GAPVD1: variants seen among roughly 807,000 people sequenced by gnomAD.
GAPVD1 encodes GTPase-activating protein and VPS9 domain-containing protein 1.
A neutral mutation model predicts 155.5 loss-of-function variants in GAPVD1; 35 were observed. The observed-to-expected ratio is 0.23, with a 90% CI of 0.17 to 0.30. The LOEUF (loss-of-function observed/expected upper bound fraction) is 0.30, where lower values mean the gene tolerates loss of function less well. GAPVD1 is among the 10% of genes least tolerant of loss of function. The pLI, the probability that GAPVD1 is intolerant of heterozygous loss-of-function variation, is 1.00. For missense variants in GAPVD1, 1,429 were observed against 1,775.7 expected, an observed-to-expected ratio of 0.80 and a Z score of 3.51; for synonymous variants, 636 against 619.7, an observed-to-expected ratio of 1.03 and a Z score of -0.39.
intron 1 of GAPVD1, chr9:125,263,541 T>C (rs77077078): frequency 2.0e-6 from 2 of 1,004,186 alleles, no homozygotes; most frequent in Non-Finnish European, 3.1e-6. Context: ...TTTTTTTTTT[T>C]GGTTGTAAGT....
chr9:125,319,224 A>G (rs1843909653), intron 9 of GAPVD1, among the ~76,000 whole-genome samples: 1 of 151,690 alleles, frequency 6.6e-6, no homozygotes, highest in Admixed American at 6.6e-5. Context: ...AATGAAAAAA[A>G]TTAGCTGGGC....
chr9:125,300,679 T>C (rs1057210088), intron 4 of GAPVD1, among the ~76,000 whole-genome samples: 2 of 152,104 alleles, frequency 1.3e-5, no homozygotes, highest in Non-Finnish European at 2.9e-5. Flanking sequence ...AAAGCGTTCT[T>C]GGGTTTTTAA....
chr9:125,315,826 G>C (rs1371133138), intron 9 of GAPVD1, among the ~76,000 whole-genome samples: 2 of 152,030 alleles, frequency 1.3e-5, no homozygotes, highest in Non-Finnish European at 2.9e-5. Context: ...CATACCCAGG[G>C]CTGGTCATGT....
At chr9:125,323,051 TAA>T (rs747447121) in intron 10 of GAPVD1, among the ~76,000 whole-genome samples, 27 of 102,438 alleles carry the variant, frequency 2.6e-4, no homozygotes, top group Admixed American at 3.2e-4. Context: ...AGACTCTCTC[TAA>T]AAAAAAAAAA....
chr9:125,357,925 A>G (rs1850331819), intron 25 of GAPVD1, among the ~76,000 whole-genome samples: 1 of 152,110 alleles, frequency 6.6e-6, no homozygotes. Context: ...CAGAGAGCCA[A>G]GATCACACCA....
At chr9:125,271,166 A>G (rs1834852406) in intron 2 of GAPVD1, among the ~76,000 whole-genome samples, 1 of 152,190 alleles carries the variant, frequency 6.6e-6, no homozygotes, top group Admixed American at 6.6e-5. Flanking sequence ...CATTTAAAAA[A>G]TACAGGCTTT....
At position 125,261,937 on chromosome 9, in the gene GAPVD1, T is replaced by C. The variant is rs1031419171; in HGVS notation, c.-221T>C. 3 of 153,226 alleles carry C rather than the reference T, an allele frequency of 2.0e-5. No homozygotes were observed. The highest frequency in any genetic ancestry group is 7.2e-5 in the African/African-American group (3 of 41,462). The allele number at this position is 153,226 out of a possible 1,614,324, so 9.5% of individuals were successfully genotyped here. A position where few individuals can be genotyped will look rare whatever the true frequency, so the allele number is the denominator to read the frequency against. Reference sequence around the variant, plus strand: ...TGGCGGTCCGACAGAGTCCTCCGTGTCCTCCCCCGCATGACCCCCTTGGTG... The same window carrying C: ...TGGCGGTCCGACAGAGTCCTCCGTGCCCTCCCCCGCATGACCCCCTTGGTG... On this transcript the variant is annotated 5_prime_UTR_variant, in exon 1 of 28. Transcript: ENST00000297933.
chr9:125,349,013 G>A (rs1429378602), intron 20 of GAPVD1, among the ~76,000 whole-genome samples: 1 of 152,186 alleles, frequency 6.6e-6, no homozygotes, highest in East Asian at 1.9e-4. Flanking sequence ...GACTGGGCAG[G>A]AGTCCATGTC....
chr9:125,302,939 T>C, intron 5 of GAPVD1, 113 bp downstream of exon 5: 1 of 1,286,024 alleles, frequency 7.8e-7, no homozygotes, highest in Non-Finnish European at 1.1e-6. Flanking sequence ...CTTACAACTT[T>C]TTCTCAACCA....
At chr9:125,330,028 A>G (rs372354852) in intron 12 of GAPVD1, 50 bp from the exon 13 acceptor site, 207 of 1,502,744 alleles carry the variant, frequency 1.4e-4, no homozygotes, top group Non-Finnish European at 1.8e-4. Flanking sequence ...CTATCACTGC[A>G]CTTTCCTCCA....
chr9:125,317,194 T>G (rs968539163), intron 9 of GAPVD1, among the ~76,000 whole-genome samples: 6 of 151,778 alleles, frequency 4.0e-5, no homozygotes, highest in Non-Finnish European at 8.8e-5. Flanking sequence ...GGTGTGCACC[T>G]GTAATATCAG....
At chr9:125,309,625 G>A (rs1206628248) in intron 8 of GAPVD1, among the ~76,000 whole-genome samples, 2 of 152,118 alleles carry the variant, frequency 1.3e-5, no homozygotes, top group Non-Finnish European at 2.9e-5. Flanking sequence ...GTGAGCCACC[G>A]TGCCCGGGCA....
chr9:125,292,339 T>G (rs1287743995), intron 2 of GAPVD1, among the ~76,000 whole-genome samples: 1 of 151,996 alleles, frequency 6.6e-6, no homozygotes, highest in South Asian at 2.1e-4. Context: ...CTGACTTTAT[T>G]ATGATTGACA....
intron 6 of GAPVD1, among the ~76,000 whole-genome samples, chr9:125,306,958 C>T (rs1841927913): frequency 6.6e-6 from 1 of 152,020 alleles, no homozygotes; most frequent in African/African-American, 2.4e-5. Flanking sequence ...GGTGAAACCC[C>T]ATCTCTACAA....
At position 125,307,442 on chromosome 9, in the gene GAPVD1, G is replaced by T. The variant is rs2131071215; in HGVS notation, c.1146G>T (p.Val382=). 1 of 1,610,714 alleles carries T rather than the reference G, an allele frequency of 6.2e-7. No homozygotes were observed. The highest frequency in any genetic ancestry group is 2.2e-5 in the East Asian group (1 of 44,858). The part of the protein sequence containing the change: ...KSCVAAFLDV[V]IGGRAVETPP... ...GTGTTGCCGCTTTCCTTGATGTTGT[G>T]ATTGGGGGCCGTGCAGTGGAGACCC... The change falls in exon 7 of 28, where the codon GTG becomes GTT. Residue 382 remains valine, a synonymous_variant. Coordinates refer to ENST00000297933, the MANE Select transcript of GAPVD1 (RefSeq NM_001282680.3).
At chr9:125,328,510 G>C (rs1336301556) in intron 12 of GAPVD1, among the ~76,000 whole-genome samples, 2 of 139,232 alleles carry the variant, frequency 1.4e-5, no homozygotes, top group African/African-American at 5.6e-5. Flanking sequence ...AGAGCACAGG[G>C]TTGGGGGTAA....
chr9:125,280,396 CAAAAAAA>C (rs750354567), intron 2 of GAPVD1, among the ~76,000 whole-genome samples: 9 of 57,338 alleles, frequency 1.6e-4, no homozygotes, highest in African/African-American at 2.0e-4. Flanking sequence ...AAGTCCATCT[CAAAAAAA>C]AAAAAAAAAA....
At chr9:125,301,037 T>A (rs564208709) in intron 4 of GAPVD1, among the ~76,000 whole-genome samples, 1 of 152,276 alleles carries the variant, frequency 6.6e-6, no homozygotes, top group Non-Finnish European at 1.5e-5. Flanking sequence ...AACTTTCTTA[T>A]GTCCATAAAT....
chr9:125,354,901 G>C (rs1849835390), intron 24 of GAPVD1, 60 bp downstream of exon 24: 1 of 1,190,290 alleles, frequency 8.4e-7, no homozygotes, highest in Admixed American at 1.8e-5. Flanking sequence ...GGAAGATTTA[G>C]AAATACTGTT....
Sources: gnomAD v4.1 joint callset for allele counts (sites outside exome capture counted in the v4.1 genomes callset) on GRCh38, gnomAD v4.1.1 for gene constraint, MANE v1.5 for transcripts, NCBI Gene and HGNC (gene_info 2026-07-23, HGNC 2026-07-21) for gene names.